The following BUB1 variants were observed in gnomAD, a reference collection of about 807,000 sequenced individuals.
BUB1 encodes the protein mitotic checkpoint serine/threonine-protein kinase BUB1.
BUB1 carries 84 observed loss-of-function variants against 135.2 expected under a neutral mutation model. The observed-to-expected ratio is 0.62, with a 90% CI of 0.52 to 0.74. BUB1 has a LOEUF of 0.74. Among genes scored for constraint, BUB1 ranks in the 30% least tolerant of loss-of-function variants. BUB1 has a pLI of 0.00. For missense variants in BUB1, 1,162 were observed against 1,288.3 expected (o/e 0.90, Z 1.50); for synonymous variants, 403 against 434.4 (o/e 0.93, Z 0.90).
In BUB1 at chr2:110,650,673, C is replaced by G. The variant is rs1689761045; in HGVS notation, c.2076G>C (p.Glu692Asp). Residue 692 changes from glutamate to aspartate, a missense_variant, in exon 18 of 25, where the codon GAG becomes GAC. Glu to Asp is a conservative substitution (Grantham distance 45). Transcript: ENST00000302759. The part of the protein sequence containing the change: ...AAGGVLTCEA[E>D]LGVEACRLTD... ...TGAGTCTGCAAGCCTCAACGCCCAACTCTGCCTCACAGGTAAGTACCCCAC... is the reference window on the plus strand; with the variant it reads ...TGAGTCTGCAAGCCTCAACGCCCAAGTCTGCCTCACAGGTAAGTACCCCAC... 1.9e-6 allele frequency: 3 copies of G among 1,614,030 alleles called. No homozygotes were observed. The highest frequency in any genetic ancestry group is 2.5e-6 in the Non-Finnish European group (3 of 1,179,986).
rs150818164 is a variant in BUB1 at position 110,655,812 on chromosome 2, T to C, written c.1803A>G (p.Thr601=). ...APSPKSPGDF[T]SAAQLASTPF... is the part of the protein sequence containing the mutation. ...GTGTAGACGCAAGTTGTGCAGCAGA[T>C]GTGAAGTCTCCTGGGCTCTTAGGAC... The change falls in exon 16 of 25, where the codon ACA becomes ACG. Residue 601 remains threonine, a synonymous_variant. Coordinates refer to ENST00000302759, the MANE Select transcript of BUB1 (RefSeq NM_004336.5). The C allele has an allele frequency of 9.3e-6, 15 of 1,613,862 alleles. No individual in the cohort carries two copies. The highest frequency in any genetic ancestry group is 1.3e-5 in the African/African-American group (1 of 74,864).
At chr2:110,639,067 T>TG in intron 24 of BUB1, among the ~76,000 whole-genome samples, 1 of 152,028 alleles carries the variant, frequency 6.6e-6, no homozygotes, top group East Asian at 1.9e-4. Flanking sequence ...CATGTTTTTA[T>TG]GCCTCAAAAA....
intron 1 of BUB1, among the ~76,000 whole-genome samples, chr2:110,676,199 A>T: frequency 6.6e-6 from 1 of 152,046 alleles, no homozygotes; most frequent in Non-Finnish European, 1.5e-5. Flanking sequence ...ATTTTTTTTT[A>T]ATGAGCAAAG....
chr2:110,650,522 A>G (rs755442449), intron 18 of BUB1, 24 bp downstream of exon 18: 5 of 1,604,772 alleles, frequency 3.1e-6, no homozygotes, highest in Middle Eastern at 1.7e-4. Flanking sequence ...ATTCAAGGGC[A>G]TAACAAAGAG....
chr2:110,674,332 G>C lies in BUB1; in HGVS notation c.60C>G (p.Gly20=). Reference sequence around the variant, plus strand: ...TTTCCCATTCACCAAGAGGGTCATTGCCCTTGTAGCTCTGCATGTGGGCTT... The same window carrying C: ...TTTCCCATTCACCAAGAGGGTCATTCCCCTTGTAGCTCTGCATGTGGGCTT... ...MLEAHMQSYK[G]NDPLGEWERY... Residue 20 remains glycine (G), a synonymous_variant, in exon 2 of 25, where the codon GGC becomes GGG. Transcript: ENST00000302759. 6.2e-7 allele frequency: 1 copy of C among 1,614,022 alleles called. No homozygotes were observed.
chr2:110,672,591 T>TA, intron 4 of BUB1, 70 bp downstream of exon 4: 1 of 1,451,234 alleles, frequency 6.9e-7, no homozygotes. Context: ...TTGCTAATGA[T>TA]ACAATTTTTA....
Position 110,649,388 on chromosome 2 carries a change from TGA to T in BUB1, c.2204-13_2204-12del. 1 of 1,363,418 alleles carries T rather than the reference TGA, an allele frequency of 7.3e-7. No homozygotes were observed. The highest frequency in any genetic ancestry group is 1.9e-5 in the South Asian group (1 of 53,236). The allele number at this position is 1,363,418 out of a possible 1,614,324, so 84.5% of individuals were successfully genotyped here. A position where few individuals can be genotyped will look rare whatever the true frequency, so the allele number is the denominator to read the frequency against. On this transcript the variant is annotated splice_polypyrimidine_tract_variant and intron_variant, in intron 18 of 24. Coordinates refer to ENST00000302759, the MANE Select transcript of BUB1 (RefSeq NM_004336.5). The stretch of plus-strand genomic sequence containing the variant: ...TCCCAACAATGAAGTCTTAAAGGAA[TGA>T]GAAAAAAAAAAAAAAAGGGAACATG...
chr2:110,657,582 A>G lies in BUB1; in HGVS notation c.1580T>C (p.Phe527Ser). 6.2e-7 allele frequency: 1 copy of G among 1,608,516 alleles called. No homozygotes were observed. The change falls in exon 14 of 25, where the codon TTT becomes TCT. Residue 527 changes from phenylalanine (F) to serine (S), a missense_variant. By Grantham distance (155) the Phe-to-Ser change is radical (BLOSUM62 -2). Transcript: ENST00000302759. ...NKIISSLSSA[F>S]HVFEDGNKEN... is the part of the protein sequence containing the mutation. Reference sequence around the variant, plus strand: ...TTTGTTTCCATCTTCAAACACATGAAAAGCAGATGACAAAGAAGAGATGAT... The same window carrying G: ...TTTGTTTCCATCTTCAAACACATGAGAAGCAGATGACAAAGAAGAGATGAT...
At chr2:110,675,383 C>G (rs898821030) in intron 1 of BUB1, 1 of 152,240 alleles carries the variant, frequency 6.6e-6, no homozygotes, top group Non-Finnish European at 1.5e-5. Flanking sequence ...TGATCAGTGC[C>G]AGACAGCCAC....
rs753757823 is a variant in BUB1, at chr2:110,672,704, G to T, written c.379C>A (p.Gln127Lys). ...AACTCTCTGGGTTCAGCCTGGTTTT[G>T]AATTCCTCTCTGAAGGACAGCACTG... ...HASAVLQRGI[Q>K]NQAEPREFLQ... Residue 127 changes from glutamine (Q) to lysine (K), a missense_variant, in exon 4 of 25, where the codon CAA becomes AAA. Physicochemically the swap from Gln to Lys is moderately conservative, Grantham distance 53. Coordinates refer to ENST00000302759, the MANE Select transcript of BUB1 (RefSeq NM_004336.5). The T allele has an allele frequency of 5.1e-5, 82 of 1,609,510 alleles. No homozygotes were observed. The highest frequency in any genetic ancestry group is 6.9e-5 in the Non-Finnish European group (81 of 1,178,616).
chr2:110,643,543 C>G (rs1689560332), intron 19 of BUB1, among the ~76,000 whole-genome samples: 1 of 152,148 alleles, frequency 6.6e-6, no homozygotes, highest in Non-Finnish European at 1.5e-5. Context: ...ACTCACAAGG[C>G]ATAGTAAAAG....
Position 110,666,249 on chromosome 2 carries a change from G to A in BUB1, c.957+14C>T. The A allele has an allele frequency of 7.4e-7, 1 of 1,353,754 alleles. No individual in the cohort carries two copies. Among genetic ancestry groups the A allele is most frequent in the East Asian group, 2.7e-5 (1 of 36,626 alleles). The allele number at this position is 1,353,754 out of a possible 1,614,324, so 83.9% of individuals were successfully genotyped here. A position where few individuals can be genotyped will look rare whatever the true frequency, so the allele number is the denominator to read the frequency against. The stretch of plus-strand genomic sequence containing the variant: ...CTGCTGGGCACAGGATGTGTCATGA[G>A]GAGCACAACATACCTCGGACCTTTC... On this transcript the variant is annotated intron_variant, in intron 9 of 24. Coordinates refer to ENST00000302759, the MANE Select transcript of BUB1 (RefSeq NM_004336.5).
chr2:110,666,591 T>C (rs1339884054), intron 8 of BUB1, among the ~76,000 whole-genome samples, 177 bp from the exon 9 acceptor site: 2 of 151,518 alleles, frequency 1.3e-5, no homozygotes, highest in Non-Finnish European at 2.9e-5. Context: ...TGCCCACAGC[T>C]TGGCTACTAC....
chr2:110,667,382 TG>T, intron 8 of BUB1, 138 bp downstream of exon 8: 1 of 947,196 alleles, frequency 1.1e-6, no homozygotes, highest in Non-Finnish European at 1.5e-6. Flanking sequence ...TAATGATTTC[TG>T]GGCTTCTGAT....
chr2:110,667,734 A>G (rs564764111), intron 7 of BUB1, 29 bp from the exon 8 acceptor site: 1 of 1,610,494 alleles, frequency 6.2e-7, no homozygotes, highest in South Asian at 1.1e-5. Context: ...CATTATTTAC[A>G]ACAATGTACC....
chr2:110,670,576 A>T lies in BUB1; in HGVS notation c.423-8T>A, dbSNP rs1484702297. ...AGGCGTGTCTGAAATAACCTAAATG[A>T]CAGCAGAAAAGGCATCAATGTAGAT... On this transcript the variant is annotated splice_region_variant and splice_polypyrimidine_tract_variant and intron_variant, in intron 4 of 24. Transcript: ENST00000302759. The T allele has an allele frequency of 1.2e-6, 2 of 1,613,816 alleles. No individual in the cohort carries two copies. The highest frequency in any genetic ancestry group is 1.7e-6 in the Non-Finnish European group (2 of 1,179,796).
At chr2:110,657,142 A>G in intron 14 of BUB1, 25 bp from the exon 15 acceptor site, 2 of 1,568,890 alleles carry the variant, frequency 1.3e-6, no homozygotes, top group Non-Finnish European at 1.7e-6. Flanking sequence ...GCTAAATTAT[A>G]AATAGTAAAA....
chr2:110,641,236 A>T, intron 22 of BUB1, 31 bp from the exon 23 acceptor site: 1 of 1,585,680 alleles, frequency 6.3e-7, no homozygotes, highest in Non-Finnish European at 8.6e-7. Flanking sequence ...GCCAGGCTGC[A>T]TGAGCACAAA....
chr2:110,670,570 T>C lies in BUB1; in HGVS notation c.423-2A>G. 1 of 1,613,922 alleles carries C rather than the reference T, an allele frequency of 6.2e-7. No individual in the cohort carries two copies. Among genetic ancestry groups the C allele is most frequent in the African/African-American group, 1.3e-5 (1 of 75,040 alleles). ...TCAGTGAGGCGTGTCTGAAATAACC[T>C]AAATGACAGCAGAAAAGGCATCAAT... On this transcript the variant is annotated splice_acceptor_variant, in intron 4 of 24. Transcript: ENST00000302759. LOFTEE classifies it high-confidence loss of function.
Sources: gnomAD v4.1 joint callset for allele counts (sites outside exome capture counted in the v4.1 genomes callset) on GRCh38, gnomAD v4.1.1 for gene constraint, MANE v1.5 for transcripts, NCBI Gene and HGNC (gene_info 2026-07-23, HGNC 2026-07-21) for gene names.